The following SPRTN variants were observed in gnomAD, a reference collection of about 807,000 sequenced individuals.
The protein encoded by SPRTN is SprT-like N-terminal domain.
Under a neutral mutation model 31.9 loss-of-function variants are expected in SPRTN, and 11 were observed. That is an observed-to-expected ratio of 0.34 (90% confidence interval 0.22 to 0.57). SPRTN has a LOEUF of 0.57. SPRTN is among the 20% of genes least tolerant of loss of function. The pLI is 0.86. For synonymous variants in SPRTN, 185 were observed against 212.1 expected, an observed-to-expected ratio of 0.87 and a Z score of 1.11; for missense variants, 482 against 590.1, an observed-to-expected ratio of 0.82 and a Z score of 1.90.
At chr1:231,351,999 C>A in intron 4 of SPRTN, 1 of 997,336 alleles carries the variant, frequency 1.0e-6, no homozygotes, top group Non-Finnish European at 1.2e-6. Flanking sequence ...ACACCCCTTC[C>A]TATCAGCTGG....
At chr1:231,341,822 A>G (rs1207029197) in intron 2 of SPRTN, among the ~76,000 whole-genome samples, 2 of 152,128 alleles carry the variant, frequency 1.3e-5, no homozygotes, top group Non-Finnish European at 2.9e-5. Flanking sequence ...CCCCGTCTCT[A>G]CTAAAAATAC....
chr1:231,344,108 A>G (rs1260177701), intron 2 of SPRTN, among the ~76,000 whole-genome samples: 3 of 152,200 alleles, frequency 2.0e-5, no homozygotes, highest in Non-Finnish European at 4.4e-5. Flanking sequence ...AAAATCAGGA[A>G]CCTAAATTTG....
At chr1:231,342,622 G>T (rs1488573387) in intron 2 of SPRTN, among the ~76,000 whole-genome samples, 1 of 151,526 alleles carries the variant, frequency 6.6e-6, no homozygotes, top group Admixed American at 6.6e-5. Context: ...GTAGAGGCGG[G>T]GTTTCACCAT....
At chr1:231,346,183 C>CTTTT (rs71583771) in intron 2 of SPRTN, among the ~76,000 whole-genome samples, 21 of 89,062 alleles carry the variant, frequency 2.4e-4, no homozygotes, top group South Asian at 8.5e-4. Context: ...CTTTTCTTTT[C>CTTTT]TTTTTTTTTT....
intron 3 of SPRTN, among the ~76,000 whole-genome samples, chr1:231,351,062 A>G (rs542708535): frequency 1.1e-4 from 17 of 152,098 alleles, no homozygotes; most frequent in Non-Finnish European, 2.2e-4. Context: ...CTCTAATCCC[A>G]TGTGCATCTA....
rs1453050746 is a variant in SPRTN at position 231,338,489 on chromosome 1, TGGGA to T, written c.108_111del (p.Trp36CysfsTer30). 1.2e-6 allele frequency: 2 copies of T among 1,614,260 alleles called. No homozygotes were observed. The highest frequency in any genetic ancestry group is 1.7e-6 in the Non-Finnish European group (2 of 1,180,040). On this transcript the variant is annotated frameshift_variant, in exon 1 of 5. Coordinates refer to ENST00000295050, the MANE Select transcript of SPRTN (RefSeq NM_032018.7). LOFTEE classifies it high-confidence loss of function. Reference sequence around the variant, plus strand: ...GTCCCTGTCGCTAGTGGACGCGTCGTGGGAGTTGGTGGACCCCACACCGGACTTG... The same window carrying T: ...GTCCCTGTCGCTAGTGGACGCGTCGTGTTGGTGGACCCCACACCGGACTTG...
intron 1 of SPRTN, chr1:231,339,485 C>T (rs1686796319): frequency 3.1e-6 from 2 of 645,338 alleles, no homozygotes; most frequent in African/African-American, 1.8e-5. Flanking sequence ...CAGGTACGGT[C>T]CTGGCGTCTC....
chr1:231,344,658 T>A (rs1262735631), intron 2 of SPRTN: 1 of 286,554 alleles, frequency 3.5e-6, no homozygotes, highest in Non-Finnish European at 7.8e-6. Context: ...TTAATGACAG[T>A]CTAGTTCTTC....
rs369488238 is a variant in SPRTN, at chr1:231,351,301, C to T, written c.451-3C>T. ...GAATACTAAAAATTCTGTCTCCACT[C>T]AGGTATACCATACTTTTCACGATGA... On this transcript the variant is annotated splice_region_variant and splice_polypyrimidine_tract_variant and intron_variant, in intron 3 of 4. Transcript: ENST00000295050. 6.4e-6 allele frequency: 10 copies of T among 1,574,298 alleles called. No individual in the cohort carries two copies. The Admixed American group carries it at 7.4e-5, about 12-fold the overall frequency.
At chr1:231,348,569 C>A (rs933817609) in intron 3 of SPRTN, among the ~76,000 whole-genome samples, 20 of 152,034 alleles carry the variant, frequency 1.3e-4, no homozygotes, top group African/African-American at 4.6e-4. Context: ...TATTAAATAA[C>A]CTTGTTCCTT....
intron 2 of SPRTN, among the ~76,000 whole-genome samples, chr1:231,346,681 G>A (rs938261395): frequency 2.0e-5 from 3 of 152,046 alleles, no homozygotes; most frequent in Non-Finnish European, 2.9e-5. Context: ...AGTGGCTGAC[G>A]CCTATAATCC....
At chr1:231,339,723 G>C (rs1686805584) in intron 1 of SPRTN, 46 bp from the exon 2 acceptor site, 1 of 1,590,088 alleles carries the variant, frequency 6.3e-7, no homozygotes, top group Non-Finnish European at 8.6e-7. Context: ...AAGGACTTGG[G>C]CATATTTGGC....
rs1415003315 is a variant in SPRTN at position 231,351,507 on chromosome 1, C to T, written c.654C>T (p.Tyr218=). The T allele has an allele frequency of 1.2e-6, 2 of 1,614,072 alleles. No individual in the cohort carries two copies. Among genetic ancestry groups the T allele is most frequent in the Non-Finnish European group, 1.7e-6 (2 of 1,180,018 alleles). ...TYIKIKEPEN[Y]SKKGKGKAKL... ...TAAAAATCAAGGAACCAGAGAATTA[C>T]TCAAAAAAAGGCAAAGGAAAGGCAA... Residue 218 remains tyrosine, a synonymous_variant, in exon 4 of 5, where the codon TAC becomes TAT. Coordinates refer to ENST00000295050, the MANE Select transcript of SPRTN (RefSeq NM_032018.7).
At position 231,339,766 on chromosome 1, in the gene SPRTN, T is replaced by C. The variant is rs1278107138; in HGVS notation, c.222-3T>C. The C allele has an allele frequency of 2.5e-6, 4 of 1,614,114 alleles. No individual in the cohort carries two copies. In the East Asian group the frequency reaches 6.7e-5, roughly 27 times the overall value. ...ACACATTTTTATGGTGATTGTTTTCTAGGTGTGCTGGGATATGCAGCTATG... is the reference window on the plus strand; with the variant it reads ...ACACATTTTTATGGTGATTGTTTTCCAGGTGTGCTGGGATATGCAGCTATG... On this transcript the variant is annotated splice_region_variant and splice_polypyrimidine_tract_variant and intron_variant, in intron 1 of 4. Coordinates refer to ENST00000295050, the MANE Select transcript of SPRTN (RefSeq NM_032018.7).
At chr1:231,351,905 A>G (rs1314884782) in intron 4 of SPRTN, 3 of 1,021,914 alleles carry the variant, frequency 2.9e-6, no homozygotes, top group African/African-American at 1.7e-5. Context: ...TGACTCACTG[A>G]GTTATTAGGA....
At chr1:231,348,064 A>G in intron 3 of SPRTN, 139 bp downstream of exon 3, 1 of 1,217,942 alleles carries the variant, frequency 8.2e-7, no homozygotes, top group Non-Finnish European at 1.1e-6. Context: ...CTAGAGAAGC[A>G]AATTGGCTTG....
chr1:231,339,018 G>A (rs147154716), intron 1 of SPRTN, among the ~76,000 whole-genome samples: 3 of 152,278 alleles, frequency 2.0e-5, no homozygotes, highest in African/African-American at 7.2e-5. Flanking sequence ...CTCTATTCCC[G>A]TTAGGAAACC....
intron 3 of SPRTN, among the ~76,000 whole-genome samples, chr1:231,350,314 C>T (rs568965772): frequency 6.6e-6 from 1 of 152,216 alleles, no homozygotes; most frequent in Admixed American, 6.5e-5. Flanking sequence ...CAAAATCTTA[C>T]ATACAGATGC....
chr1:231,343,275 G>T (rs1686956078), intron 2 of SPRTN, among the ~76,000 whole-genome samples: 1 of 151,448 alleles, frequency 6.6e-6, no homozygotes, highest in South Asian at 2.1e-4. Context: ...TATAGCCTAG[G>T]TATATATACT....
Sources: gnomAD v4.1 joint callset for allele counts (sites outside exome capture counted in the v4.1 genomes callset) on GRCh38, gnomAD v4.1.1 for gene constraint, MANE v1.5 for transcripts, NCBI Gene and HGNC (gene_info 2026-07-23, HGNC 2026-07-21) for gene names.